COP1: variants seen among roughly 807,000 people sequenced by gnomAD.
COP1 encodes the protein COP1 E3 ubiquitin ligase, also known as E3 ubiquitin-protein ligase COP1.
In COP1, 24 loss-of-function variants were observed where a neutral mutation model predicts 101.3. That is an observed-to-expected ratio of 0.24 (90% CI 0.17 to 0.33). The LOEUF is 0.33. COP1 is among the 10% of genes least tolerant of loss of function. The pLI, the probability that COP1 is intolerant of heterozygous loss-of-function variation, is 1.00. For synonymous variants in COP1, 347 were observed against 341.9 expected (o/e 1.01, Z -0.17); for missense variants, 663 against 906.2 (o/e 0.73, Z 3.45).
intron 8 of COP1, among the ~76,000 whole-genome samples, chr1:176,123,850 A>G (rs1372228492): frequency 6.6e-6 from 1 of 152,200 alleles, no homozygotes; most frequent in Non-Finnish European, 1.5e-5. Context: ...ACATGTCAGT[A>G]ACACAGACTT....
chr1:176,043,205 T>C lies in COP1; in HGVS notation c.1593A>G (p.Ser531=). 6.2e-7 allele frequency: 1 copy of C among 1,611,966 alleles called. No individual in the cohort carries two copies. ...CAGTACCTTTTGCATCATCAGAACC[T>C]GAAGCCAAGAGTTTAGGATCCATCA... ...FNLMDPKLLA[S]GSDDAKVKLW... The change falls in exon 14 of 20, where the codon TCA becomes TCG. Residue 531 remains serine (S), a synonymous_variant. Coordinates refer to ENST00000367669, the MANE Select transcript of COP1 (RefSeq NM_022457.7).
At chr1:176,160,231 T>C (rs1434722453) in intron 5 of COP1, 1 of 399,342 alleles carries the variant, frequency 2.5e-6, no homozygotes. Context: ...ATTATCTGCT[T>C]TTGGTATGGT....
At chr1:176,035,705 G>C (rs1467965854) in intron 14 of COP1, among the ~76,000 whole-genome samples, 1 of 62,852 alleles carries the variant, frequency 1.6e-5, no homozygotes, top group South Asian at 7.4e-4. Context: ...TCAATAAAAC[G>C]AGACCAAAAA....
At chr1:176,149,937 A>G (rs1055953648) in intron 5 of COP1, among the ~76,000 whole-genome samples, 5 of 152,196 alleles carry the variant, frequency 3.3e-5, no homozygotes, top group Non-Finnish European at 7.4e-5. Context: ...AGCAATTCCA[A>G]AACAAACAAA....
chr1:176,063,070 T>TC (rs1675226230), intron 11 of COP1, among the ~76,000 whole-genome samples: 1 of 148,200 alleles, frequency 6.7e-6, no homozygotes. Context: ...TTTTTTTTTT[T>TC]GAGACGGAGT....
chr1:176,106,421 T>C (rs986321053), intron 9 of COP1, among the ~76,000 whole-genome samples: 2 of 152,068 alleles, frequency 1.3e-5, no homozygotes, highest in African/African-American at 4.8e-5. Flanking sequence ...CAACTAACAC[T>C]GGCCACAAGA....
At chr1:176,166,963 A>G (rs1174495400) in intron 3 of COP1, among the ~76,000 whole-genome samples, 1 of 152,168 alleles carries the variant, frequency 6.6e-6, no homozygotes, top group Non-Finnish European at 1.5e-5. Context: ...TTAAAAAACT[A>G]TATCCTACAA....
intron 12 of COP1, among the ~76,000 whole-genome samples, chr1:176,044,264 C>T (rs1245957365): frequency 1.3e-5 from 2 of 152,156 alleles, no homozygotes; most frequent in Non-Finnish European, 2.9e-5. Flanking sequence ...ATTTACATCC[C>T]AAAAGTCTTG....
intron 13 of COP1, 52 bp from the exon 14 acceptor site, chr1:176,043,319 G>T: frequency 9.2e-7 from 1 of 1,082,356 alleles, no homozygotes; most frequent in Non-Finnish European, 1.4e-6. Context: ...ATCTCAAAAT[G>T]AATAAAGCAA....
chr1:176,079,063 A>G (rs1678619349), intron 11 of COP1, among the ~76,000 whole-genome samples: 1 of 152,194 alleles, frequency 6.6e-6, no homozygotes, highest in South Asian at 2.1e-4. Flanking sequence ...ATCAACCACT[A>G]TGGAAAGCAG....
intron 11 of COP1, among the ~76,000 whole-genome samples, chr1:176,067,743 G>A (rs1399738627): frequency 6.6e-6 from 1 of 152,184 alleles, no homozygotes; most frequent in Non-Finnish European, 1.5e-5. Context: ...CTCTGACCTT[G>A]TGATAAGGCA....
Position 176,206,984 on chromosome 1 carries a change from C to G in COP1, c.-6G>C. The G allele has an allele frequency of 7.3e-7, 1 of 1,371,108 alleles. No homozygotes were observed. Among genetic ancestry groups the G allele is most frequent in the Non-Finnish European group, 9.4e-7 (1 of 1,066,298 alleles). The allele number at this position is 1,371,108 out of a possible 1,614,324, so 84.9% of individuals were successfully genotyped here. ...GCCTGGCGGCTACCAGACATCGTGA[C>G]TCCCTCCCCTCCAGCCGGGCGCTCG... is the stretch of plus-strand genomic sequence containing the variant. On this transcript the variant is annotated 5_prime_UTR_variant, in exon 1 of 20. Coordinates refer to ENST00000367669, the MANE Select transcript of COP1 (RefSeq NM_022457.7).
chr1:176,002,662 T>C lies in COP1; in HGVS notation c.1730-13183A>G, dbSNP rs61822762. On this transcript the variant is annotated intron_variant, in intron 15 of 19. Coordinates refer to ENST00000367669, the MANE Select transcript of COP1 (RefSeq NM_022457.7). ...GAGAATGATGATTTCCAATTTCATC[T>C]ATGTCCCTACAAAGGACATGAACTC... Among the ~76,000 whole-genome samples, 1,311 of 141,344 alleles carry C rather than the reference T, an allele frequency of 9.3e-3. 4 individuals carry two copies. Among genetic ancestry groups the C allele is most frequent in the Non-Finnish European group, 0.015 (977 of 64,046 alleles). 92.7% of individuals were successfully genotyped at this position (141,344 alleles called of 152,430 possible). A position where few individuals can be genotyped will look rare whatever the true frequency, so the allele number is the denominator to read the frequency against.
chr1:176,013,469 T>A (rs1269943562), intron 15 of COP1, among the ~76,000 whole-genome samples: 1 of 152,180 alleles, frequency 6.6e-6, no homozygotes, highest in East Asian at 1.9e-4. Flanking sequence ...AGGATTTAAG[T>A]TTCATTTAAT....
At chr1:176,197,319 G>A (rs1044917696) in intron 1 of COP1, among the ~76,000 whole-genome samples, 2 of 152,174 alleles carry the variant, frequency 1.3e-5, no homozygotes, top group Admixed American at 6.5e-5. Context: ...GAAGATGAGG[G>A]AGGAGGATCC....
intron 13 of COP1, 145 bp from the exon 14 acceptor site, chr1:176,043,412 G>T: frequency 1.7e-6 from 1 of 578,080 alleles, no homozygotes; most frequent in Non-Finnish European, 3.0e-6. Flanking sequence ...AAGCAAATAA[G>T]ATGTTGATAT....
chr1:176,206,605 T>A lies in COP1; in HGVS notation c.374A>T (p.Asn125Ile). ...LLAPLCNGLI[N>I]SYEDKSNDFV... is the part of the protein sequence containing the mutation. ...GTCGTTGCTTTTGTCCTCGTAGGAG[T>A]TGATGAGCCCGTTGCAGAGGGGGGC... The change falls in exon 1 of 20, where the codon AAC becomes ATC. Residue 125 changes from asparagine (N) to isoleucine (I), a missense_variant. Physicochemically the swap from Asn to Ile is moderately radical, Grantham distance 149 (BLOSUM62 -3). Around this residue, in one of 4 missense-constraint regions of COP1, gnomAD observed 204 missense variants for 203.6 expected, o/e 1.00. Transcript: ENST00000367669. The A allele has an allele frequency of 6.2e-7, 1 of 1,611,388 alleles. No homozygotes were observed. The highest frequency in any genetic ancestry group is 8.5e-7 in the Non-Finnish European group (1 of 1,179,814).
intron 4 of COP1, among the ~76,000 whole-genome samples, chr1:176,163,499 G>A (rs1011967199): frequency 1.2e-4 from 18 of 152,160 alleles, no homozygotes; most frequent in African/African-American, 3.9e-4. Flanking sequence ...GGGATTATAG[G>A]TGTGAGCCCA....
chr1:176,080,738 A>C (rs986167729), intron 11 of COP1, among the ~76,000 whole-genome samples: 1 of 152,238 alleles, frequency 6.6e-6, no homozygotes, highest in Non-Finnish European at 1.5e-5. Context: ...TAACCTGATT[A>C]ACCCTAAATC....
Sources: allele counts gnomAD v4.1 joint callset (sites outside exome capture counted in the v4.1 genomes callset), GRCh38; gene constraint gnomAD v4.1.1; regional missense constraint gnomAD v4.1.1; transcripts MANE v1.5; gene names NCBI Gene and HGNC (gene_info 2026-07-23, HGNC 2026-07-21).